The following THEMIS variants were observed in gnomAD, a reference collection of about 807,000 sequenced individuals.
THEMIS encodes the protein thymocyte selection associated.
Under a neutral mutation model 52.6 loss-of-function variants are expected in THEMIS, and 37 were observed. The ratio of observed to expected loss-of-function variants is 0.70; its 90% CI spans 0.54 to 0.93. The LOEUF (loss-of-function observed/expected upper bound fraction) is 0.93. Ranked by LOEUF, THEMIS falls within the 40% of genes least tolerant of loss-of-function variation. The pLI, the probability that THEMIS is intolerant of heterozygous loss-of-function variation, is 0.00. For synonymous variants in THEMIS, 292 were observed against 272.7 expected, an observed-to-expected ratio of 1.07 and a Z score of -0.70; for missense variants, 808 against 763.1, an observed-to-expected ratio of 1.06 and a Z score of -0.69.
At chr6:127,760,843 C>T (rs2114385905) in intron 4 of THEMIS, among the ~76,000 whole-genome samples, 1 of 152,160 alleles carries the variant, frequency 6.6e-6, no homozygotes, top group African/African-American at 2.4e-5. Context: ...AGCTTTAAAA[C>T]TCCTAGAATA....
intron 4 of THEMIS, among the ~76,000 whole-genome samples, chr6:127,762,070 A>T (rs1050322593): frequency 6.6e-6 from 1 of 152,140 alleles, no homozygotes; most frequent in Admixed American, 6.6e-5. Flanking sequence ...TACTATTCAG[A>T]TTTTTTAAAA....
At position 127,862,428 on chromosome 6, in the gene THEMIS, ATTTTTTTTT is replaced by A. The variant is rs71028110; in HGVS notation, c.92-7249_92-7241del. Reference sequence around the variant, plus strand: ...GCAGGTGAAATCTCCTAGGGAGTAAATTTTTTTTTTTTTTTTTTTTTTGCTCTGTTGCCC... The same window carrying A: ...GCAGGTGAAATCTCCTAGGGAGTAAATTTTTTTTTTTTTGCTCTGTTGCCC... On this transcript the variant is annotated intron_variant, in intron 1 of 5. Coordinates refer to ENST00000368248, the MANE Select transcript of THEMIS (RefSeq NM_001010923.3). Among the ~76,000 whole-genome samples, 5 of 72,806 alleles carry A rather than the reference ATTTTTTTTT, an allele frequency of 6.9e-5. 1 individual carries two copies. The highest frequency in any genetic ancestry group is 8.0e-4 in the East Asian group (2 of 2,492). 47.8% of individuals were successfully genotyped at this position (72,806 alleles called of 152,430 possible). A position where few individuals can be genotyped will look rare whatever the true frequency, so the allele number is the denominator to read the frequency against.
At position 127,832,297 on chromosome 6, in the gene THEMIS, T is replaced by C. The variant is rs192459026; in HGVS notation, c.251-2363A>G. Among the ~76,000 whole-genome samples, 314 of 152,318 alleles carry C rather than the reference T, an allele frequency of 2.1e-3. 1 individual carries two copies. Among genetic ancestry groups the C allele is most frequent in the African/African-American group, 7.1e-3 (297 of 41,582 alleles). ...ATGTCTCTATTGCAAGAAAAATGTG[T>C]CTGTGAATCTGTGCTTTTCCTTAAA... On this transcript the variant is annotated intron_variant, in intron 2 of 5. Coordinates refer to ENST00000368248, the MANE Select transcript of THEMIS (RefSeq NM_001010923.3).
At chr6:127,905,627 G>A (rs1781249814), upstream of THEMIS, among the ~76,000 whole-genome samples, 1 of 152,000 alleles carries the variant, frequency 6.6e-6, no homozygotes. Flanking sequence ...GGCTTGTGGA[G>A]TTTTGAATAT....
intron 2 of THEMIS, among the ~76,000 whole-genome samples, chr6:127,835,875 C>T (rs1778859726): frequency 6.6e-6 from 1 of 152,108 alleles, no homozygotes; most frequent in Non-Finnish European, 1.5e-5. Flanking sequence ...AGGAGCTTGT[C>T]CGACCCCATG....
intron 2 of THEMIS, among the ~76,000 whole-genome samples, chr6:127,847,510 A>G (rs952544054): frequency 2.0e-5 from 3 of 152,006 alleles, no homozygotes; most frequent in Admixed American, 2.0e-4. Flanking sequence ...TGAGAATCAA[A>G]TCAAGAACGC....
intron 5 of THEMIS, 44 bp downstream of exon 5, chr6:127,719,644 A>C: frequency 6.5e-7 from 1 of 1,547,788 alleles, no homozygotes; most frequent in Non-Finnish European, 8.7e-7. Context: ...TCATGTGGAC[A>C]GTTAAACCAC....
At chr6:127,832,967 A>G (rs1241082685) in intron 2 of THEMIS, among the ~76,000 whole-genome samples, 9 of 151,806 alleles carry the variant, frequency 5.9e-5, no homozygotes, top group African/African-American at 2.2e-4. Flanking sequence ...TATTTTTAAT[A>G]GAGACAGGGT....
At chr6:127,875,755 G>T (rs1299911434) in intron 1 of THEMIS, among the ~76,000 whole-genome samples, 1 of 152,194 alleles carries the variant, frequency 6.6e-6, no homozygotes. Flanking sequence ...AAAAATGAGA[G>T]CTGCAGTTTT....
intron 5 of THEMIS, among the ~76,000 whole-genome samples, chr6:127,711,717 TCTATCATTTA>T (rs1168946870): frequency 6.6e-6 from 1 of 152,036 alleles, no homozygotes; most frequent in Non-Finnish European, 1.5e-5. Flanking sequence ...AATTCCCACT[TCTATCATTTA>T]CTATCTTTGT....
At chr6:127,856,754 T>C (rs1779632485) in intron 1 of THEMIS, among the ~76,000 whole-genome samples, 1 of 151,992 alleles carries the variant, frequency 6.6e-6, no homozygotes, top group African/African-American at 2.4e-5. Flanking sequence ...TTTCGTTAAC[T>C]TTAATGCTTA....
In THEMIS at chr6:127,855,141, C is replaced by A; in HGVS notation, c.139G>T (p.Glu47Ter). Residue 47 changes from glutamate (E) to a stop codon, truncating the protein, a stop_gained, in exon 2 of 6, where the codon GAA becomes TAA. Transcript: ENST00000368248. LOFTEE classifies it high-confidence loss of function. ...FGNECCFSTG[E>*]VIKITGLKVK... ...TTGAGACCAGTAATTTTAATCACTT[C>A]TCCTGTTGAAAAACAGCATTCATTT... 1.2e-6 allele frequency: 2 copies of A among 1,608,522 alleles called. No homozygotes were observed. Among genetic ancestry groups the A allele is most frequent in the Non-Finnish European group, 1.7e-6 (2 of 1,177,562 alleles).
chr6:127,723,501 T>C (rs1189090241), intron 4 of THEMIS, among the ~76,000 whole-genome samples: 2 of 151,998 alleles, frequency 1.3e-5, no homozygotes, highest in East Asian at 1.9e-4. Context: ...TCAGCAATCA[T>C]GTAGCTTGAT....
rs531772333 is a variant in THEMIS at position 127,710,548 on chromosome 6, G to C, written c.1895-532C>G. On this transcript the variant is annotated intron_variant, in intron 5 of 5. Coordinates refer to ENST00000368248, the MANE Select transcript of THEMIS (RefSeq NM_001010923.3). ...AAAGGTACCTAATAATTGTTAAACT[G>C]AAGAAAAATCAACAGGCCTCCAGCA... Among the ~76,000 whole-genome samples, 6 of 151,942 alleles carry C rather than the reference G, an allele frequency of 3.9e-5. No individual in the cohort carries two copies. In the South Asian group the frequency reaches 1.2e-3, roughly 31 times the overall value.
At chr6:127,728,671 G>A (rs941257207) in intron 4 of THEMIS, among the ~76,000 whole-genome samples, 2 of 152,168 alleles carry the variant, frequency 1.3e-5, no homozygotes, top group Admixed American at 1.3e-4. Flanking sequence ...AGAAAGAAGA[G>A]GCAAAGAATT....
chr6:127,755,776 T>G (rs987550745), intron 4 of THEMIS, among the ~76,000 whole-genome samples: 1 of 152,172 alleles, frequency 6.6e-6, no homozygotes, highest in Admixed American at 6.5e-5. Flanking sequence ...CTCACACTTG[T>G]GACACCAGCA....
At chr6:127,742,935 T>C (rs1219928123) in intron 4 of THEMIS, among the ~76,000 whole-genome samples, 1 of 152,188 alleles carries the variant, frequency 6.6e-6, no homozygotes. Flanking sequence ...GAAATTTGTA[T>C]TATGTATATT....
At chr6:127,727,775 G>T (rs1774601931) in intron 4 of THEMIS, among the ~76,000 whole-genome samples, 1 of 152,020 alleles carries the variant, frequency 6.6e-6, no homozygotes, top group Admixed American at 6.6e-5. Context: ...AATATAAAAT[G>T]CATGCTCTGT....
At chr6:127,810,882 A>T (rs1328653034) in intron 4 of THEMIS, among the ~76,000 whole-genome samples, 2 of 151,942 alleles carry the variant, frequency 1.3e-5, no homozygotes, top group African/African-American at 4.8e-5. Context: ...AAAAAAAAAA[A>T]ACTGAGAAAG....
Sources: allele counts gnomAD v4.1 joint callset (sites outside exome capture counted in the v4.1 genomes callset), GRCh38; gene constraint gnomAD v4.1.1; transcripts MANE v1.5; gene names NCBI Gene and HGNC (gene_info 2026-07-23, HGNC 2026-07-21).